FGF13: variants seen among roughly 807,000 people sequenced by gnomAD.
The protein encoded by FGF13 is fibroblast growth factor homologous factor 2.
Under a neutral mutation model 19.5 loss-of-function variants are expected in FGF13, and 2 were observed. The observed-to-expected ratio is 0.10, with a 90% confidence interval of 0.04 to 0.32. The LOEUF (loss-of-function observed/expected upper bound fraction) is 0.32. Ranked by LOEUF, FGF13 falls within the 10% of genes least tolerant of loss-of-function variation. FGF13 has a pLI of 1.00. For synonymous variants in FGF13, 72 were observed against 76.9 expected, an observed-to-expected ratio of 0.94 and a Z score of 0.33; for missense variants, 113 against 192.7, an observed-to-expected ratio of 0.59 and a Z score of 2.45.
intron 1 of FGF13, among the ~76,000 whole-genome samples, chrX:139,141,726 T>C (rs1212880468): frequency 1.8e-5 from 2 of 112,463 alleles, no homozygotes; most frequent in Non-Finnish European, 1.9e-5. Context: ...TCTTCCTACT[T>C]CTCTTATTAA....
chrX:138,802,225 G>A (rs1010043038), intron 3 of FGF13, among the ~76,000 whole-genome samples: 3 of 112,357 alleles, frequency 2.7e-5, no homozygotes, highest in African/African-American at 9.7e-5. Context: ...TGAAACCCAC[G>A]GCCCTGGTGG....
intron 3 of FGF13, among the ~76,000 whole-genome samples, chrX:138,658,972 T>C (rs987817006): frequency 9.0e-6 from 1 of 111,569 alleles, no homozygotes; most frequent in Admixed American, 9.6e-5. Flanking sequence ...AAATATGGAA[T>C]CTTATCTCAA....
intron 3 of FGF13, among the ~76,000 whole-genome samples, chrX:138,845,089 G>C (rs926314585): frequency 6.3e-5 from 7 of 111,557 alleles, no homozygotes; most frequent in African/African-American, 2.3e-4. Context: ...GCAATGCCCA[G>C]CTTAGATCAG....
chrX:139,131,422 T>C (rs933325010), intron 1 of FGF13, among the ~76,000 whole-genome samples: 61 of 93,613 alleles, frequency 6.5e-4, no homozygotes, highest in African/African-American at 1.8e-3. Context: ...TGTGTGTGTG[T>C]GCAAAGGATT....
At chrX:138,867,752 G>A (rs1265665257) in intron 1 of FGF13, among the ~76,000 whole-genome samples, 1 of 110,330 alleles carries the variant, frequency 9.1e-6, no homozygotes, top group African/African-American at 3.3e-5. Flanking sequence ...ATTTGGGTGG[G>A]AACACAGCCA....
intron 1 of FGF13, among the ~76,000 whole-genome samples, chrX:138,730,610 A>G (rs1166005639): frequency 1.8e-5 from 2 of 111,467 alleles, no homozygotes; most frequent in Non-Finnish European, 3.8e-5. Context: ...AATAAAAATA[A>G]TGTAATACAA....
intron 1 of FGF13, among the ~76,000 whole-genome samples, chrX:139,028,582 C>CGTGTGTGTGTGTGTGTGTGT (rs1203709668): frequency 9.6e-4 from 59 of 61,585 alleles, no homozygotes; most frequent in East Asian, 5.9e-3. Context: ...GGAGAGAGAG[C>CGTGTGTGTGTGTGTGTGTGT]GTGTGTGTGT....
intron 3 of FGF13, among the ~76,000 whole-genome samples, chrX:138,678,944 C>T (rs5931474): frequency 0.097 from 10,801 of 111,890 alleles, 406 homozygotes; most frequent in Middle Eastern, 0.17. Flanking sequence ...AAACTTTTGG[C>T]GCATAGAAGA....
At chrX:138,678,450 G>A (rs1041880175) in intron 3 of FGF13, among the ~76,000 whole-genome samples, 1 of 111,579 alleles carries the variant, frequency 9.0e-6, no homozygotes, top group African/African-American at 3.3e-5. Context: ...TTAGATTCAC[G>A]CATGCCAATC....
At chrX:139,064,281 C>CTTTTTTTTTTTT (rs139084376) in intron 1 of FGF13, among the ~76,000 whole-genome samples, 2 of 23,158 alleles carry the variant, frequency 8.6e-5, no homozygotes, top group Non-Finnish European at 1.3e-4. Context: ...CTTTTTTTTT[C>CTTTTTTTTTTTT]TTTTTTTTTT....
chrX:138,726,985 A>G (rs750990747), intron 1 of FGF13, among the ~76,000 whole-genome samples: 1 of 110,988 alleles, frequency 9.0e-6, no homozygotes, highest in Non-Finnish European at 1.9e-5. Flanking sequence ...ATGACAGCTC[A>G]TATTTGGTAA....
chrX:139,202,006 T>G (rs1235134265), intron 1 of FGF13, among the ~76,000 whole-genome samples: 2 of 112,343 alleles, frequency 1.8e-5, no homozygotes, highest in Non-Finnish European at 3.8e-5. Flanking sequence ...CCTACAGAGG[T>G]ATGTGGTTTC....
intron 3 of FGF13, among the ~76,000 whole-genome samples, chrX:138,813,906 C>T (rs1457272557): frequency 2.7e-5 from 3 of 111,290 alleles, no homozygotes; most frequent in Non-Finnish European, 5.7e-5. Flanking sequence ...AAAGGAAGGA[C>T]TAGGACATTT....
At chrX:138,923,183 A>G (rs1241468705) in intron 1 of FGF13, among the ~76,000 whole-genome samples, 1 of 111,946 alleles carries the variant, frequency 8.9e-6, no homozygotes, top group Non-Finnish European at 1.9e-5. Flanking sequence ...CAGCTTATTA[A>G]CATTGTGTGT....
intron 1 of FGF13, among the ~76,000 whole-genome samples, chrX:138,920,161 G>C (rs774259935): frequency 5.8e-4 from 64 of 111,022 alleles, no homozygotes; most frequent in Non-Finnish European, 1.1e-3. Flanking sequence ...AAATTATTTT[G>C]TGATCATAGT....
intron 1 of FGF13, among the ~76,000 whole-genome samples, chrX:138,872,621 A>G (rs767384186): frequency 4.7e-4 from 53 of 112,042 alleles, no homozygotes; most frequent in African/African-American, 1.7e-3. Flanking sequence ...AATTTTTTTC[A>G]GAGCTTACAT....
At chrX:139,073,800 C>A (rs2092384426) in intron 1 of FGF13, among the ~76,000 whole-genome samples, 1 of 112,499 alleles carries the variant, frequency 8.9e-6, no homozygotes, top group Non-Finnish European at 1.9e-5. Context: ...GAATAGAAAT[C>A]TTCACTCACA....
intron 1 of FGF13, among the ~76,000 whole-genome samples, chrX:139,007,835 G>A (rs766927227): frequency 1.7e-4 from 19 of 112,302 alleles, no homozygotes; most frequent in African/African-American, 6.1e-4. Context: ...ACCACTGCAG[G>A]CTCCGTGAAA....
At chrX:138,689,731 C>A (rs1362087576) in intron 3 of FGF13, among the ~76,000 whole-genome samples, 1 of 111,992 alleles carries the variant, frequency 8.9e-6, no homozygotes, top group Non-Finnish European at 1.9e-5. Flanking sequence ...ACATTTAAGG[C>A]CGAGTTCCAC....
Sources: gnomAD v4.1 joint callset for allele counts (sites outside exome capture counted in the v4.1 genomes callset) on GRCh38, gnomAD v4.1.1 for gene constraint, MANE v1.5 for transcripts, NCBI Gene and HGNC (gene_info 2026-07-23, HGNC 2026-07-21) for gene names.